DPH6: variants seen among roughly 807,000 people sequenced by gnomAD.
DPH6 encodes the protein diphthine--ammonia ligase.
DPH6 carries 33 observed loss-of-function variants against 38.2 expected under a neutral mutation model. That is an observed-to-expected ratio of 0.86 (90% CI 0.65 to 1.15). The LOEUF is 1.15. Ranked by LOEUF, DPH6 falls within the 50% of genes most tolerant of loss-of-function variation. The pLI is 0.00. For synonymous variants in DPH6, 108 were observed against 103.0 expected, an observed-to-expected ratio of 1.05 and a Z score of -0.30; for missense variants, 325 against 320.0, an observed-to-expected ratio of 1.02 and a Z score of -0.12.
chr15:35,386,042 T>G (rs1041661517), intron 6 of DPH6, among the ~76,000 whole-genome samples: 1 of 152,042 alleles, frequency 6.6e-6, no homozygotes, highest in Admixed American at 6.5e-5. Context: ...TTCCCCTTCC[T>G]GTGTCCATGT....
chr15:35,243,516 C>T lies in DPH6; in HGVS notation n.201-22934G>A, dbSNP rs942277951. Among the ~76,000 whole-genome samples, 41 of 145,096 alleles carry T rather than the reference C, an allele frequency of 2.8e-4. 2 individuals carry two copies. Among genetic ancestry groups the T allele is most frequent in the African/African-American group, 1.0e-3 (40 of 40,104 alleles). ...ACAAAAGAAGTGAAAAGGTCCTGCCCCGCCTTAACTGATGACATTCCACCA... is the reference window on the plus strand; with the variant it reads ...ACAAAAGAAGTGAAAAGGTCCTGCCTCGCCTTAACTGATGACATTCCACCA... On this transcript the variant is annotated intron_variant and non_coding_transcript_variant, in intron 3 of 3. Transcript: ENST00000560386.
chr15:35,325,703 A>G (rs2052277160), intron 3 of DPH6, among the ~76,000 whole-genome samples: 1 of 152,140 alleles, frequency 6.6e-6, no homozygotes, highest in Admixed American at 6.6e-5. Context: ...CATTGAAAAC[A>G]CTAACCATAA....
At chr15:35,237,306 C>G in intron 3 of DPH6, 1 of 1,576,078 alleles carries the variant, frequency 6.3e-7, no homozygotes, top group Non-Finnish European at 8.7e-7. Context: ...GCGCGGGAGC[C>G]TCTGCAGAGA....
chr15:35,516,263 G>A (rs2054845182), intron 3 of DPH6, among the ~76,000 whole-genome samples: 1 of 152,152 alleles, frequency 6.6e-6, no homozygotes, highest in African/African-American at 2.4e-5. Flanking sequence ...AACCATGACA[G>A]ATAACAATTA....
chr15:35,148,726 T>C, the DPH6 span, among the ~76,000 whole-genome samples: 10 of 152,206 alleles, frequency 6.6e-5, no homozygotes, highest in Non-Finnish European at 1.3e-4. Flanking sequence ...TTCAGCCCTT[T>C]ATTCGATCTA....
At chr15:35,295,726 A>T (rs2052010131) in intron 3 of DPH6, among the ~76,000 whole-genome samples, 1 of 152,144 alleles carries the variant, frequency 6.6e-6, no homozygotes, top group Non-Finnish European at 1.5e-5. Flanking sequence ...TCCATTAGTA[A>T]TCATAAAAAT....
At chr15:35,152,999 C>T in the DPH6 span, among the ~76,000 whole-genome samples, 2 of 152,190 alleles carry the variant, frequency 1.3e-5, no homozygotes, top group Non-Finnish European at 2.9e-5. Flanking sequence ...TGGCAAACTA[C>T]AGCCCTTGTG....
At chr15:35,383,003 T>C (rs550565190) in intron 6 of DPH6, among the ~76,000 whole-genome samples, 2 of 152,316 alleles carry the variant, frequency 1.3e-5, no homozygotes, top group Admixed American at 6.5e-5. Context: ...AGCACTCTCC[T>C]TTCTACTCTA....
the DPH6 span, among the ~76,000 whole-genome samples, chr15:35,166,037 T>C: frequency 3.3e-4 from 50 of 152,084 alleles, no homozygotes; most frequent in Admixed American, 1.3e-3. Flanking sequence ...TATTTCACTT[T>C]TGAAACTGAT....
chr15:35,534,740 A>G (rs2055143220), intron 3 of DPH6, among the ~76,000 whole-genome samples: 1 of 152,232 alleles, frequency 6.6e-6, no homozygotes. Context: ...GAAAATCAAA[A>G]GGAACAAATT....
At chr15:35,326,978 G>A (rs1189096907), downstream of DPH6, among the ~76,000 whole-genome samples, 1 of 152,138 alleles carries the variant, frequency 6.6e-6, no homozygotes, top group African/African-American at 2.4e-5. Context: ...AAATATTAGA[G>A]TGGGAGTGTG....
At chr15:35,505,232 TA>T (rs1401017584) in intron 3 of DPH6, among the ~76,000 whole-genome samples, 1 of 152,054 alleles carries the variant, frequency 6.6e-6, no homozygotes, top group Non-Finnish European at 1.5e-5. Context: ...AGTGTAAAGA[TA>T]AACTGGATTA....
At chr15:35,423,289 TG>T (rs1460236751) in intron 5 of DPH6, among the ~76,000 whole-genome samples, 2 of 151,884 alleles carry the variant, frequency 1.3e-5, no homozygotes, top group Non-Finnish European at 3.0e-5. Flanking sequence ...ATTTCCCTGA[TG>T]ATTAGTGAAA....
At chr15:35,212,028 T>C in the DPH6 span, among the ~76,000 whole-genome samples, 1 of 152,226 alleles carries the variant, frequency 6.6e-6, no homozygotes, top group Non-Finnish European at 1.5e-5. Context: ...AGACATAATA[T>C]GAATACTAAT....
intron 5 of DPH6, among the ~76,000 whole-genome samples, chr15:35,437,977 T>C (rs1300379486): frequency 6.6e-6 from 1 of 152,194 alleles, no homozygotes; most frequent in Admixed American, 6.5e-5. Context: ...TTCCTTCCTC[T>C]GAGTCCCTGG....
intron 5 of DPH6, among the ~76,000 whole-genome samples, chr15:35,418,602 A>G (rs2053465407): frequency 6.6e-6 from 1 of 152,122 alleles, no homozygotes; most frequent in South Asian, 2.1e-4. Flanking sequence ...TATCAATGGG[A>G]AGCAATTACA....
At chr15:35,447,512 G>A (rs993765379) in intron 5 of DPH6, among the ~76,000 whole-genome samples, 2 of 151,932 alleles carry the variant, frequency 1.3e-5, no homozygotes, top group African/African-American at 4.8e-5. Context: ...CTGGCTCAAC[G>A]GTTGTATTAT....
In DPH6 at chr15:35,241,222, CT is replaced by C; in HGVS notation, n.201-20641del. On this transcript the variant is annotated intron_variant and non_coding_transcript_variant, in intron 3 of 3. Coordinates refer to the DPH6 transcript ENST00000560386. ...CTCTCTGACTGACTCCTTCCCAGAT[CT>C]TCTCGGCTTAGCAGCTGAAGACTGA... 1.4e-5 allele frequency among the ~76,000 whole-genome samples: 2 copies of C among 143,890 alleles called. 1 individual carries two copies. Among genetic ancestry groups the C allele is most frequent in the Admixed American group, 1.5e-4 (2 of 13,354 alleles). 94.4% of individuals were successfully genotyped at this position (143,890 alleles called of 152,430 possible). A position where few individuals can be genotyped will look rare whatever the true frequency, so the allele number is the denominator to read the frequency against.
chr15:35,395,672 C>G, intron 6 of DPH6, among the ~76,000 whole-genome samples: 1 of 152,168 alleles, frequency 6.6e-6, no homozygotes, highest in Admixed American at 6.6e-5. Context: ...TCAGCTACTC[C>G]AGGTCATGTG....
Sources: allele counts gnomAD v4.1 joint callset (sites outside exome capture counted in the v4.1 genomes callset), GRCh38; gene constraint gnomAD v4.1.1; transcripts MANE v1.5; gene names NCBI Gene and HGNC (gene_info 2026-07-23, HGNC 2026-07-21).